Variants in CNGB3 observed in about 807,000 individuals in gnomAD.
CNGB3 encodes the protein cyclic nucleotide-gated channel beta-3.
In CNGB3, 86 loss-of-function variants were observed where a neutral mutation model predicts 92.8. That is an observed-to-expected ratio of 0.93 (90% CI 0.78 to 1.11). CNGB3 has a LOEUF of 1.11. Among genes scored for constraint, CNGB3 ranks in the 50% least tolerant of loss-of-function variants. The pLI is 0.00. For missense variants in CNGB3, 1,026 were observed against 956.8 expected (o/e 1.07, Z -0.95); for synonymous variants, 333 against 332.7 (o/e 1.00, Z -0.01).
chr8:86,680,538 C>T (rs12549812), intron 3 of CNGB3, among the ~76,000 whole-genome samples: 1 of 152,138 alleles, frequency 6.6e-6, no homozygotes, highest in Non-Finnish European at 1.5e-5. Flanking sequence ...GTAGGTTGCT[C>T]TCTTTTTGAC....
intron 7 of CNGB3, among the ~76,000 whole-genome samples, chr8:86,653,121 T>C (rs546177374): frequency 9.3e-4 from 142 of 152,196 alleles, no homozygotes; most frequent in African/African-American, 3.2e-3. Flanking sequence ...GGTCTGTCAT[T>C]GACTGAAATG....
At chr8:86,725,324 A>G (rs963542479) in intron 3 of CNGB3, among the ~76,000 whole-genome samples, 5 of 152,166 alleles carry the variant, frequency 3.3e-5, no homozygotes, top group African/African-American at 9.7e-5. Flanking sequence ...TTAACCTTTC[A>G]GTATCTTGGT....
rs530339583 is a variant in CNGB3, at chr8:86,647,762, CAT to C, written c.990+37_990+38del. Reference sequence around the variant, plus strand: ...CATTATAGGGAAATAGAAATATTTCCATTATAAGGGAAAAGACAATTAAATAT... The same window carrying C: ...CATTATAGGGAAATAGAAATATTTCCTATAAGGGAAAAGACAATTAAATAT... On this transcript the variant is annotated intron_variant, in intron 8 of 17. Transcript: ENST00000320005. 254 of 1,026,760 alleles carry C rather than the reference CAT, an allele frequency of 2.5e-4. No homozygotes were observed. In the African/African-American group the frequency reaches 3.5e-3, roughly 14 times the overall value. 63.6% of individuals were successfully genotyped at this position (1,026,760 alleles called of 1,614,324 possible). A position where few individuals can be genotyped will look rare whatever the true frequency, so the allele number is the denominator to read the frequency against.
At chr8:86,624,557 A>T (rs1322938984) in intron 13 of CNGB3, among the ~76,000 whole-genome samples, 1 of 151,586 alleles carries the variant, frequency 6.6e-6, no homozygotes, top group Non-Finnish European at 1.5e-5. Context: ...TGCTCCAGCC[A>T]CTCTGGCTTC....
At chr8:86,602,812 T>G (rs1822333604) in intron 15 of CNGB3, among the ~76,000 whole-genome samples, 1 of 152,194 alleles carries the variant, frequency 6.6e-6, no homozygotes, top group South Asian at 2.1e-4. Flanking sequence ...AAATAATAAT[T>G]CAGAGTGTGT....
chr8:86,607,310 G>A (rs994580071), intron 14 of CNGB3, among the ~76,000 whole-genome samples: 3 of 152,188 alleles, frequency 2.0e-5, no homozygotes, highest in Admixed American at 1.3e-4. Flanking sequence ...AGGGCTGACA[G>A]CATGTGCAAA....
intron 9 of CNGB3, among the ~76,000 whole-genome samples, chr8:86,644,295 T>C (rs1389629011): frequency 2.0e-5 from 3 of 151,316 alleles, no homozygotes; most frequent in African/African-American, 4.8e-5. Context: ...AACAAACGAA[T>C]GAAATTCAGA....
chr8:86,713,599 A>G (rs979132182), intron 3 of CNGB3, among the ~76,000 whole-genome samples: 1 of 152,146 alleles, frequency 6.6e-6, no homozygotes, highest in Non-Finnish European at 1.5e-5. Flanking sequence ...CATCCATCCT[A>G]TGAGTGTGGA....
rs1563723730 is a variant in CNGB3, at chr8:86,604,148, C to A, written c.1726G>T (p.Asp576Tyr). The change falls in exon 15 of 18, where the codon GAT (aspartate) becomes TAT (tyrosine). Residue 576 changes from aspartate to tyrosine, a missense_variant. Transcript: ENST00000320005. ...HGEVQVLGGP[D>Y]GTKVLVTLKA... is the part of the protein sequence containing the mutation. The stretch of plus-strand genomic sequence containing the variant: ...AGAGTAACCAGAACTTTAGTACCAT[C>A]AGGGCCTCCAAGAACTTGGACTTCT... The A allele has an allele frequency of 6.2e-7, 1 of 1,613,802 alleles. No individual in the cohort carries two copies. The highest frequency in any genetic ancestry group is 1.3e-5 in the African/African-American group (1 of 75,044).
intron 14 of CNGB3, among the ~76,000 whole-genome samples, chr8:86,608,400 G>A (rs1822452097): frequency 6.6e-6 from 1 of 152,226 alleles, no homozygotes; most frequent in African/African-American, 2.4e-5. Context: ...GTGGACCGTG[G>A]TCTAGCAGTA....
At chr8:86,626,105 C>A in intron 12 of CNGB3, 25 bp from the exon 13 acceptor site, 1 of 1,529,098 alleles carries the variant, frequency 6.5e-7, no homozygotes, top group East Asian at 2.3e-5. Flanking sequence ...ACACATCAAA[C>A]CCCGATGCAG....
rs140551082 is a variant in CNGB3 at position 86,642,619 on chromosome 8, CT to C, written c.1178+1131del. On this transcript the variant is annotated intron_variant, in intron 10 of 17. Coordinates refer to ENST00000320005, the MANE Select transcript of CNGB3 (RefSeq NM_019098.5). ...CCCTTCAAAGTAATGCTGGGACCTGCTTTTTTTCCAGTTTGGACATTGCCTT... is the reference window on the plus strand; with the variant it reads ...CCCTTCAAAGTAATGCTGGGACCTGCTTTTTTCCAGTTTGGACATTGCCTT... Among the ~76,000 whole-genome samples the C allele has an allele frequency of 3.0e-3, 452 of 151,698 alleles. 3 individuals are homozygous for C. Among genetic ancestry groups the C allele is most frequent in the African/African-American group, 0.011 (439 of 41,460 alleles).
intron 3 of CNGB3, among the ~76,000 whole-genome samples, chr8:86,686,025 T>C (rs1824181526): frequency 6.6e-6 from 1 of 152,046 alleles, no homozygotes; most frequent in East Asian, 1.9e-4. Context: ...TAATAAACCA[T>C]GGGAAAACAC....
chr8:86,580,245 C>T (rs536611039), intron 15 of CNGB3, among the ~76,000 whole-genome samples: 2 of 152,100 alleles, frequency 1.3e-5, no homozygotes, highest in African/African-American at 4.8e-5. Flanking sequence ...CCATCAGGTC[C>T]TTCCCTCAAA....
chr8:86,604,012 C>T (rs1822362660), intron 15 of CNGB3, 81 bp downstream of exon 15: 16 of 879,050 alleles, frequency 1.8e-5, no homozygotes, highest in African/African-American at 3.3e-5. Context: ...TAAATCTGAG[C>T]GGGAACTTAT....
At position 86,575,784 on chromosome 8, in the gene CNGB3, A is replaced by G. The variant is rs777666964; in HGVS notation, c.*20T>C. The G allele has an allele frequency of 6.2e-7, 1 of 1,604,486 alleles. No individual in the cohort carries two copies. Among genetic ancestry groups the G allele is most frequent in the Non-Finnish European group, 8.5e-7 (1 of 1,171,350 alleles). On this transcript the variant is annotated 3_prime_UTR_variant, in exon 18 of 18. Coordinates refer to ENST00000320005, the MANE Select transcript of CNGB3 (RefSeq NM_019098.5). The stretch of plus-strand genomic sequence containing the variant: ...TCACTTTGGGAACTAGCTATATCAC[A>G]TCTAAAGATAATCAAACATTTATTG...
At chr8:86,682,380 T>C (rs1200285153) in intron 3 of CNGB3, among the ~76,000 whole-genome samples, 2 of 152,188 alleles carry the variant, frequency 1.3e-5, no homozygotes, top group Non-Finnish European at 2.9e-5. Context: ...TGGATGAATA[T>C]CTTGGCTTCT....
At chr8:86,606,725 A>C (rs1822418142) in intron 14 of CNGB3, among the ~76,000 whole-genome samples, 1 of 152,214 alleles carries the variant, frequency 6.6e-6, no homozygotes, top group Admixed American at 6.5e-5. Flanking sequence ...AGTGAAGTCA[A>C]GTAGGAAACG....
At chr8:86,633,075 A>G (rs1017804961) in intron 10 of CNGB3, among the ~76,000 whole-genome samples, 182 bp from the exon 11 acceptor site, 1 of 152,230 alleles carries the variant, frequency 6.6e-6, no homozygotes, top group East Asian at 1.9e-4. Flanking sequence ...ATGCTGTGAA[A>G]TGATGAAACA....
Sources: allele counts gnomAD v4.1 joint callset (sites outside exome capture counted in the v4.1 genomes callset), GRCh38; gene constraint gnomAD v4.1.1; transcripts MANE v1.5; gene names NCBI Gene and HGNC (gene_info 2026-07-23, HGNC 2026-07-21).